FLNB: variants seen among roughly 807,000 people sequenced by gnomAD.
FLNB encodes filamin-B.
FLNB carries 111 observed loss-of-function variants against 250.6 expected under a neutral mutation model. That is an observed-to-expected ratio of 0.44 (90% CI 0.38 to 0.52). The LOEUF (loss-of-function observed/expected upper bound fraction) is 0.52. FLNB is among the 20% of genes least tolerant of loss of function. The probability of loss-of-function intolerance (pLI) is 0.00; values close to 1 mark genes in which losing one functional copy is unlikely to be tolerated. For missense variants in FLNB, 2,869 were observed against 3,447.8 expected, an observed-to-expected ratio of 0.83 and a Z score of 4.20; for synonymous variants, 1,302 against 1,372.1, an observed-to-expected ratio of 0.95 and a Z score of 1.13.
intron 38 of FLNB, 92 bp from the exon 39 acceptor site, chr3:58,153,283 C>T: frequency 6.1e-6 from 9 of 1,473,042 alleles, no homozygotes; most frequent in Non-Finnish European, 8.5e-6. Flanking sequence ...CTGCACACAC[C>T]TTGCTCTCGG....
intron 9 of FLNB, 52 bp from the exon 10 acceptor site, chr3:58,103,907 T>C (rs2097255003): frequency 6.2e-7 from 1 of 1,611,506 alleles, no homozygotes; most frequent in South Asian, 1.1e-5. Flanking sequence ...CTTTTGATTC[T>C]CATTTTGGGC....
At chr3:58,161,594 T>C (rs145986061) in intron 42 of FLNB, among the ~76,000 whole-genome samples, 13 of 152,334 alleles carry the variant, frequency 8.5e-5, no homozygotes, top group Non-Finnish European at 1.8e-4. Context: ...AATTACAGAA[T>C]ACCCAGCTCA....
intron 4 of FLNB, among the ~76,000 whole-genome samples, chr3:58,084,930 T>C (rs2097215128): frequency 6.6e-6 from 1 of 152,236 alleles, no homozygotes; most frequent in Non-Finnish European, 1.5e-5. Context: ...TAGAATCATA[T>C]GCTGTCTTTT....
chr3:58,037,582 C>G (rs2097139923), intron 1 of FLNB, among the ~76,000 whole-genome samples: 1 of 152,146 alleles, frequency 6.6e-6, no homozygotes, highest in African/African-American at 2.4e-5. Context: ...CGAAAGCCCC[C>G]AGGTAGAATT....
chr3:58,109,659 A>T lies in FLNB; in HGVS notation c.2283A>T (p.Glu761Asp). Residue 761 changes from glutamate to aspartate, a missense_variant, in exon 15 of 46, where the codon GAA becomes GAT. Around this residue, in one of 5 missense-constraint regions of FLNB, gnomAD observed 1,348 missense variants for 1,466.7 expected, o/e 0.92. Transcript: ENST00000295956. The part of the protein sequence containing the change: ...GVERSGLKAN[E>D]PTHFTVDCTE... ...AGAGAAGTGGTCTGAAGGCAAATGA[A>T]CCTACACACTTCACGGTGGACTGTA... is the stretch of plus-strand genomic sequence containing the variant. 2 of 1,613,978 alleles carry T rather than the reference A, an allele frequency of 1.2e-6. No homozygotes were observed. Among genetic ancestry groups the T allele is most frequent in the Non-Finnish European group, 1.7e-6 (2 of 1,179,974 alleles).
chr3:58,168,698 G>T, intron 44 of FLNB, 40 bp downstream of exon 44: 2 of 1,432,452 alleles, frequency 1.4e-6, no homozygotes, highest in Non-Finnish European at 2.0e-6. Context: ...TCCCTTCCTG[G>T]GGAGCTGGTT....
intron 1 of FLNB, among the ~76,000 whole-genome samples, chr3:58,009,191 C>A (rs2097094673): frequency 6.6e-6 from 1 of 152,190 alleles, no homozygotes; most frequent in Non-Finnish European, 1.5e-5. Flanking sequence ...GGACTAGAAA[C>A]CCTCGTTCGC....
intron 1 of FLNB, among the ~76,000 whole-genome samples, chr3:58,075,706 A>T (rs2097200777): frequency 1.3e-5 from 2 of 152,154 alleles, no homozygotes; most frequent in Non-Finnish European, 2.9e-5. Flanking sequence ...TTGGGAGGGT[A>T]TAGAAAAGGG....
At position 58,134,711 on chromosome 3, in the gene FLNB, C is replaced by CTG. The variant is rs1325825373; in HGVS notation, c.4613_4614dup (p.Asp1539TrpfsTer19). ...TCCTATGGTGTGCCTGCCAGTCTAC[C>CTG]TGTGGACTTTGCAATTGATGCCCGA... On this transcript the variant is annotated frameshift_variant, in exon 27 of 46. Transcript: ENST00000295956. LOFTEE classifies it high-confidence loss of function. 1 of 1,614,122 alleles carries CTG rather than the reference C, an allele frequency of 6.2e-7. No individual in the cohort carries two copies. Among genetic ancestry groups the CTG allele is most frequent in the Non-Finnish European group, 8.5e-7 (1 of 1,179,954 alleles).
intron 18 of FLNB, among the ~76,000 whole-genome samples, chr3:58,112,577 A>G (rs2097270689): frequency 6.6e-6 from 1 of 152,248 alleles, no homozygotes; most frequent in Admixed American, 6.5e-5. Context: ...TTTGCATTTT[A>G]TCAGAGAAAT....
chr3:58,092,439 T>C (rs1362249924), intron 4 of FLNB, among the ~76,000 whole-genome samples: 1 of 151,818 alleles, frequency 6.6e-6, no homozygotes, highest in Non-Finnish European at 1.5e-5. Context: ...AGCCCAGGAG[T>C]TTGAGACCAG....
chr3:58,018,900 G>A (rs747500512), intron 1 of FLNB, among the ~76,000 whole-genome samples: 28 of 150,502 alleles, frequency 1.9e-4, no homozygotes, highest in Non-Finnish European at 3.2e-4. Context: ...TTGGAAGGCC[G>A]GTGCTGGAGG....
At chr3:58,153,030 G>A (rs1390015889) in intron 38 of FLNB, among the ~76,000 whole-genome samples, 1 of 152,218 alleles carries the variant, frequency 6.6e-6, no homozygotes, top group Non-Finnish European at 1.5e-5. Flanking sequence ...ACTTTGTCTT[G>A]TTGCCTAAAA....
intron 4 of FLNB, among the ~76,000 whole-genome samples, chr3:58,086,038 G>C (rs147476278): frequency 4.6e-4 from 70 of 152,234 alleles, no homozygotes; most frequent in African/African-American, 1.4e-3. Flanking sequence ...CTCTCTCTCT[G>C]TGTGTGGAGT....
Position 58,131,769 on chromosome 3 carries a change from T to G in FLNB, c.4390+861T>G, listed in dbSNP as rs78445950. ...GTCATGGGTCTGGGATCAGATTCTG[T>G]GAAGTTACTGAGCTTCAGGACCTGC... On this transcript the variant is annotated intron_variant, in intron 25 of 45. Transcript: ENST00000295956. Among the ~76,000 whole-genome samples, 693 of 152,306 alleles carry G rather than the reference T, an allele frequency of 4.6e-3. 6 individuals are homozygous for G. The highest frequency in any genetic ancestry group is 0.015 in the African/African-American group (640 of 41,556).
intron 19 of FLNB, 86 bp from the exon 20 acceptor site, chr3:58,121,155 C>G: frequency 6.4e-7 from 1 of 1,570,562 alleles, no homozygotes. Context: ...GTCCCCGTGT[C>G]CAAAGAACCA....
chr3:58,145,893 A>G (rs1225464732), intron 32 of FLNB, 28 bp from the exon 33 acceptor site: 17 of 1,613,860 alleles, frequency 1.1e-5, no homozygotes, highest in East Asian at 4.5e-5. Flanking sequence ...ATGAGCACCA[A>G]TTTTGTTTGT....
Position 58,163,174 on chromosome 3 carries a change from A to T in FLNB, c.7042A>T (p.Ile2348Phe). ...CCTAGATAAGTATGCTGTTCGCTTC[A>T]TCCCTCATGAGAATGGTGTCCACAC... ...LEPDKYAVRF[I>F]PHENGVHTID... Residue 2348 changes from isoleucine (I) to phenylalanine (F), a missense_variant, in exon 43 of 46, where the codon ATC (isoleucine) becomes TTC (phenylalanine). Around this residue, in one of 5 missense-constraint regions of FLNB, gnomAD observed 1,084 missense variants for 1,315.5 expected, o/e 0.82. Transcript: ENST00000295956. The T allele has an allele frequency of 1.2e-6, 2 of 1,614,184 alleles. No homozygotes were observed. The highest frequency in any genetic ancestry group is 1.1e-5 in the South Asian group (1 of 91,090).
At chr3:58,154,981 G>C in intron 40 of FLNB, 53 bp downstream of exon 40, 1 of 1,576,980 alleles carries the variant, frequency 6.3e-7, no homozygotes, top group Non-Finnish European at 8.7e-7. Context: ...ACATGATTAG[G>C]TTGCAAGGAA....
Sources: gnomAD v4.1 joint callset for allele counts (sites outside exome capture counted in the v4.1 genomes callset) on GRCh38, gnomAD v4.1.1 for gene constraint, gnomAD v4.1.1 regional missense constraint, MANE v1.5 for transcripts, NCBI Gene and HGNC (gene_info 2026-07-23, HGNC 2026-07-21) for gene names.